Variants in CNTNAP5 observed in about 807,000 individuals in gnomAD.
CNTNAP5 encodes the protein contactin associated protein family member 5.
In CNTNAP5, 72 loss-of-function variants were observed where a neutral mutation model predicts 150.2. The observed-to-expected ratio is 0.48, with a 90% CI of 0.40 to 0.58. CNTNAP5 has a LOEUF of 0.58. Among genes scored for constraint, CNTNAP5 ranks in the 20% least tolerant of loss-of-function variants. CNTNAP5 has a pLI of 0.00. For synonymous variants in CNTNAP5, 672 were observed against 619.8 expected, an observed-to-expected ratio of 1.08 and a Z score of -1.25; for missense variants, 1,636 against 1,626.2, an observed-to-expected ratio of 1.01 and a Z score of -0.10.
intron 3 of CNTNAP5, among the ~76,000 whole-genome samples, chr2:124,312,197 C>T (rs1048940603): frequency 6.6e-6 from 1 of 152,074 alleles, no homozygotes; most frequent in African/African-American, 2.4e-5. Flanking sequence ...AATTCTTTGT[C>T]CTTCAAGGCA....
intron 10 of CNTNAP5, among the ~76,000 whole-genome samples, chr2:124,559,412 C>A (rs1336862554): frequency 6.6e-6 from 1 of 152,194 alleles, no homozygotes; most frequent in African/African-American, 2.4e-5. Context: ...TGGGACACAT[C>A]ACCAGGGCTT....
At chr2:124,231,661 C>T (rs1686623098) in intron 2 of CNTNAP5, among the ~76,000 whole-genome samples, 1 of 152,084 alleles carries the variant, frequency 6.6e-6, no homozygotes, top group South Asian at 2.1e-4. Context: ...TACTGTGTGG[C>T]CTAATATGCC....
intron 13 of CNTNAP5, among the ~76,000 whole-genome samples, chr2:124,706,385 A>G (rs1679637807): frequency 6.6e-6 from 1 of 152,138 alleles, no homozygotes; most frequent in South Asian, 2.1e-4. Flanking sequence ...TTCTGATAAT[A>G]TGTGTATTTT....
intron 20 of CNTNAP5, 118 bp from the exon 21 acceptor site, chr2:124,869,557 C>A: frequency 1.5e-6 from 1 of 647,122 alleles, no homozygotes; most frequent in Non-Finnish European, 2.8e-6. Flanking sequence ...GAGAGAAAAT[C>A]TCAGAGGGGG....
intron 17 of CNTNAP5, among the ~76,000 whole-genome samples, chr2:124,787,269 C>T (rs575097166): frequency 6.6e-6 from 1 of 152,292 alleles, no homozygotes; most frequent in South Asian, 2.1e-4. Context: ...CATTTGACTA[C>T]ATATATCCTC....
At chr2:124,810,424 C>G (rs980371008) in intron 19 of CNTNAP5, among the ~76,000 whole-genome samples, 3 of 152,030 alleles carry the variant, frequency 2.0e-5, no homozygotes, top group Admixed American at 2.0e-4. Flanking sequence ...ATCTGGCTTC[C>G]CCAGATACAG....
At chr2:124,245,854 C>T (rs1332573467) in intron 3 of CNTNAP5, among the ~76,000 whole-genome samples, 1 of 151,930 alleles carries the variant, frequency 6.6e-6, no homozygotes, top group Non-Finnish European at 1.5e-5. Flanking sequence ...CTTCAGCCTT[C>T]AAAGTAGCTG....
At chr2:124,577,340 T>C (rs190805891) in intron 11 of CNTNAP5, among the ~76,000 whole-genome samples, 117 of 152,358 alleles carry the variant, frequency 7.7e-4, no homozygotes, top group Middle Eastern at 3.4e-3. Flanking sequence ...TACATTATAA[T>C]ACATCCCTAA....
At chr2:124,181,532 T>C (rs972372031) in intron 1 of CNTNAP5, among the ~76,000 whole-genome samples, 4 of 152,214 alleles carry the variant, frequency 2.6e-5, no homozygotes, top group African/African-American at 9.6e-5. Context: ...TTATTCTATA[T>C]CTAATGAAAC....
At chr2:124,773,764 GGTGT>G (rs142316769) in intron 17 of CNTNAP5, among the ~76,000 whole-genome samples, 1 of 150,568 alleles carries the variant, frequency 6.6e-6, no homozygotes, top group Non-Finnish European at 1.5e-5. Context: ...ATAATCCTCT[GGTGT>G]GTGTGTGTGT....
chr2:124,095,236 A>G (rs910988734), intron 1 of CNTNAP5, among the ~76,000 whole-genome samples: 5 of 152,170 alleles, frequency 3.3e-5, no homozygotes, highest in African/African-American at 7.2e-5. Context: ...CAGCAAACTA[A>G]CACATGAACA....
At chr2:124,312,294 AAGTG>A (rs1314172711) in intron 3 of CNTNAP5, among the ~76,000 whole-genome samples, 2 of 152,210 alleles carry the variant, frequency 1.3e-5, no homozygotes, top group African/African-American at 2.4e-5. Context: ...TGAGTTTTGC[AAGTG>A]AGTAAGTCTT....
intron 8 of CNTNAP5, among the ~76,000 whole-genome samples, chr2:124,516,515 T>C (rs1190013741): frequency 6.6e-6 from 1 of 152,222 alleles, no homozygotes; most frequent in Non-Finnish European, 1.5e-5. Flanking sequence ...TTTCCGGAAA[T>C]TTTTAAGTGT....
intron 11 of CNTNAP5, among the ~76,000 whole-genome samples, chr2:124,582,577 G>C (rs999526789): frequency 2.6e-5 from 4 of 152,256 alleles, no homozygotes; most frequent in Admixed American, 2.6e-4. Flanking sequence ...GGGGCTGCCA[G>C]CTTGTCTGGA....
chr2:124,294,060 G>A (rs936845279), intron 3 of CNTNAP5, among the ~76,000 whole-genome samples: 1 of 152,158 alleles, frequency 6.6e-6, no homozygotes, highest in Admixed American at 6.5e-5. Context: ...AAAGGGTAGG[G>A]TGGAAGGAGG....
At chr2:124,396,211 T>C (rs1279749082) in intron 3 of CNTNAP5, among the ~76,000 whole-genome samples, 1 of 152,224 alleles carries the variant, frequency 6.6e-6, no homozygotes, top group Non-Finnish European at 1.5e-5. Context: ...AGACCAAGTA[T>C]AGAATTACCA....
chr2:124,665,405 A>C (rs1320675995), intron 13 of CNTNAP5, among the ~76,000 whole-genome samples: 2 of 152,232 alleles, frequency 1.3e-5, no homozygotes, highest in Non-Finnish European at 2.9e-5. Context: ...TATTTAGTTA[A>C]TATTATAGTT....
intron 2 of CNTNAP5, among the ~76,000 whole-genome samples, chr2:124,225,524 C>G (rs1686434443): frequency 6.6e-6 from 1 of 152,240 alleles, no homozygotes; most frequent in Non-Finnish European, 1.5e-5. Flanking sequence ...TATACATTTA[C>G]AGTGTATGAA....
At chr2:124,600,612 T>C (rs1278340535) in intron 11 of CNTNAP5, among the ~76,000 whole-genome samples, 1 of 152,076 alleles carries the variant, frequency 6.6e-6, no homozygotes, top group Non-Finnish European at 1.5e-5. Flanking sequence ...GGAATTCTGG[T>C]AAATGTAGTT....
Sources: gnomAD v4.1 joint callset for allele counts (sites outside exome capture counted in the v4.1 genomes callset) on GRCh38, gnomAD v4.1.1 for gene constraint, MANE v1.5 for transcripts, NCBI Gene and HGNC (gene_info 2026-07-23, HGNC 2026-07-21) for gene names.